The following DLC1 variants were observed in gnomAD, a reference collection of about 807,000 sequenced individuals.
The protein encoded by DLC1 is DLC1 Rho GTPase activating protein.
In DLC1, 54 loss-of-function variants were observed where a neutral mutation model predicts 140.3. That is an observed-to-expected ratio of 0.38 (90% CI 0.31 to 0.48). The LOEUF (loss-of-function observed/expected upper bound fraction) is 0.48, where lower values mean the gene tolerates loss of function less well. DLC1 is among the 20% of genes least tolerant of loss of function. The probability of loss-of-function intolerance (pLI) is 0.96; values close to 1 mark genes in which losing one functional copy is unlikely to be tolerated. For missense variants in DLC1, 2,536 were observed against 1,907.0 expected (o/e 1.33, Z -6.14); for synonymous variants, 986 against 728.1 (o/e 1.35, Z -5.70).
intron 4 of DLC1, among the ~76,000 whole-genome samples, chr8:13,312,125 G>A (rs1832690489): frequency 7.7e-6 from 1 of 130,108 alleles, no homozygotes. Context: ...ACTTTGGGAG[G>A]CCGAGGCGGG....
chr8:13,591,679 A>T (rs373745841), intron 1 of DLC1, among the ~76,000 whole-genome samples: 121 of 152,064 alleles, frequency 8.0e-4, no homozygotes, highest in African/African-American at 2.6e-3. Context: ...GCTTGGACTT[A>T]TTGGTAACAG....
chr8:13,446,848 A>T (rs560384991), intron 2 of DLC1, among the ~76,000 whole-genome samples: 1 of 152,166 alleles, frequency 6.6e-6, no homozygotes, highest in South Asian at 2.1e-4. Context: ...AGGCTGAGGC[A>T]GAAGAATCGC....
At position 13,499,152 on chromosome 8, in the gene DLC1, G is replaced by A. The variant is rs1389387580; in HGVS notation, c.920C>T (p.Pro307Leu). The change falls in exon 2 of 18, where the codon CCA becomes CTA. Residue 307 changes from proline to leucine, a missense_variant. Physicochemically the swap from Pro to Leu is moderately conservative, Grantham distance 98. Coordinates refer to ENST00000276297, the MANE Select transcript of DLC1 (RefSeq NM_182643.3). The part of the protein sequence containing the change: ...SGFSQHQNKS[P>L]PKVKAEDGMQ... ...GCCATCTTCTGCCTTGACCTTTGGT[G>A]GACTTTTGTTTTGATGTTGTGAAAA... is the stretch of plus-strand genomic sequence containing the variant. The A allele has an allele frequency of 1.2e-6, 2 of 1,614,168 alleles. No homozygotes were observed. The highest frequency in any genetic ancestry group is 1.7e-6 in the Non-Finnish European group (2 of 1,180,012).
At chr8:13,154,475 C>A (rs543153960) in intron 5 of DLC1, among the ~76,000 whole-genome samples, 2 of 152,212 alleles carry the variant, frequency 1.3e-5, no homozygotes, top group Non-Finnish European at 2.9e-5. Flanking sequence ...CCGGCGGTGC[C>A]GGCCAGCTGC....
In DLC1 at chr8:13,311,396, G is replaced by C. The variant is rs539246720; in HGVS notation, c.1315-6094C>G. ...TTAACTTAGTTTCTCAACCAGATCA[G>C]AGAAGACAATGGAAATTCAGTTTCA... is the stretch of plus-strand genomic sequence containing the variant. On this transcript the variant is annotated intron_variant, in intron 4 of 17. Coordinates refer to ENST00000276297, the MANE Select transcript of DLC1 (RefSeq NM_182643.3). Among the ~76,000 whole-genome samples the C allele has an allele frequency of 2.0e-5, 3 of 152,280 alleles. 1 individual carries two copies. The Middle Eastern group carries it at 0.01, about 518-fold the overall frequency.
chr8:13,314,286 C>A (rs1832785001), intron 4 of DLC1, among the ~76,000 whole-genome samples: 1 of 146,984 alleles, frequency 6.8e-6, no homozygotes, highest in Admixed American at 6.8e-5. Flanking sequence ...CACATTTAAT[C>A]AGAATATAAT....
At chr8:13,297,003 A>T (rs1007647124) in intron 5 of DLC1, among the ~76,000 whole-genome samples, 13 of 152,102 alleles carry the variant, frequency 8.5e-5, no homozygotes, top group African/African-American at 2.7e-4. Context: ...CAATAGCAAA[A>T]ATACCAACAG....
At chr8:13,378,734 G>A (rs1034146898) in intron 4 of DLC1, among the ~76,000 whole-genome samples, 4 of 152,034 alleles carry the variant, frequency 2.6e-5, no homozygotes, top group Non-Finnish European at 2.9e-5. Context: ...CAGAACTTCC[G>A]TTATGTGCCT....
At position 13,514,201 on chromosome 8, in the gene DLC1, T is replaced by C. The variant is rs182581563; in HGVS notation, c.-126+401A>G. On this transcript the variant is annotated intron_variant, in intron 1 of 17. Transcript: ENST00000276297. ...AAGCACAAGTCACTCGGGTGCTTTC[T>C]ACTCTCCCTGTTGGCAAAGGAAGGT... 4.0e-3 allele frequency among the ~76,000 whole-genome samples: 611 copies of C among 152,308 alleles called. 6 individuals are homozygous for C. Among genetic ancestry groups the C allele is most frequent in the African/African-American group, 0.014 (593 of 41,572 alleles).
At chr8:13,480,831 G>A (rs1384496645) in intron 2 of DLC1, among the ~76,000 whole-genome samples, 2 of 152,180 alleles carry the variant, frequency 1.3e-5, no homozygotes, top group Non-Finnish European at 2.9e-5. Context: ...TTGAGCTTGG[G>A]AGGTAGAGGT....
intron 5 of DLC1, among the ~76,000 whole-genome samples, chr8:13,168,271 G>C (rs1825233187): frequency 1.3e-5 from 2 of 151,908 alleles, no homozygotes; most frequent in African/African-American, 2.4e-5. Flanking sequence ...TTGATTATTG[G>C]CTGGATTCTC....
chr8:13,284,211 T>A (rs1054531536), intron 5 of DLC1, among the ~76,000 whole-genome samples: 2 of 152,168 alleles, frequency 1.3e-5, no homozygotes, highest in African/African-American at 4.8e-5. Flanking sequence ...TTTGGACCTA[T>A]TAGCAGAAGA....
intron 1 of DLC1, chr8:13,557,901 A>AT (rs1224388953): frequency 6.6e-6 from 1 of 152,250 alleles, no homozygotes; most frequent in Non-Finnish European, 1.5e-5. Flanking sequence ...AACTCGGGGC[A>AT]TACACACAAA....
intron 5 of DLC1, among the ~76,000 whole-genome samples, chr8:13,299,385 T>C (rs2117495467): frequency 6.6e-6 from 1 of 150,848 alleles, no homozygotes; most frequent in Non-Finnish European, 1.5e-5. Flanking sequence ...GAGTTGGAGG[T>C]TGCAGTGAGT....
chr8:13,157,084 C>G (rs145365334), intron 5 of DLC1, among the ~76,000 whole-genome samples: 1 of 152,158 alleles, frequency 6.6e-6, no homozygotes, highest in Non-Finnish European at 1.5e-5. Flanking sequence ...CTTTGTCATG[C>G]GTGTCACGCT....
intron 5 of DLC1, among the ~76,000 whole-genome samples, chr8:13,213,543 A>G (rs900092711): frequency 1.3e-5 from 2 of 152,176 alleles, no homozygotes; most frequent in Admixed American, 6.5e-5. Context: ...AAAAACACTA[A>G]TGAGTTGGCT....
intron 4 of DLC1, 96 bp from the exon 5 acceptor site, chr8:13,305,398 TTAAA>T (rs1832379965): frequency 1.0e-5 from 13 of 1,295,544 alleles, no homozygotes; most frequent in Non-Finnish European, 1.3e-5. Flanking sequence ...GACGCAAAAA[TTAAA>T]TAGAGAATGC....
intron 1 of DLC1, among the ~76,000 whole-genome samples, chr8:13,540,632 T>A (rs1027245136): frequency 6.6e-6 from 1 of 152,182 alleles, no homozygotes; most frequent in Admixed American, 6.5e-5. Context: ...TTCAGATCAA[T>A]CAATTTCCTA....
At chr8:13,132,249 G>C (rs1264003040) in intron 5 of DLC1, among the ~76,000 whole-genome samples, 1 of 148,770 alleles carries the variant, frequency 6.7e-6, no homozygotes, top group Non-Finnish European at 1.5e-5. Context: ...GTGTTTCCTA[G>C]CAAGAAGCAC....
Sources: allele counts gnomAD v4.1 joint callset (sites outside exome capture counted in the v4.1 genomes callset), GRCh38; gene constraint gnomAD v4.1.1; transcripts MANE v1.5; gene names NCBI Gene and HGNC (gene_info 2026-07-23, HGNC 2026-07-21).